THAP6: variants seen among roughly 807,000 people sequenced by gnomAD.
THAP6 encodes THAP domain containing 6, also known as THAP domain-containing protein 6.
THAP6 carries 13 observed loss-of-function variants against 20.0 expected under a neutral mutation model. The observed-to-expected ratio is 0.65, with a 90% CI of 0.42 to 1.03. The LOEUF is 1.03. Among genes scored for constraint, THAP6 ranks in the 50% least tolerant of loss-of-function variants. The probability of loss-of-function intolerance (pLI) is 0.00; values close to 1 mark genes in which losing one functional copy is unlikely to be tolerated. For synonymous variants in THAP6, 93 were observed against 92.2 expected, an observed-to-expected ratio of 1.01 and a Z score of -0.05; for missense variants, 262 against 261.6, an observed-to-expected ratio of 1.00 and a Z score of -0.01.
At chr4:75,547,131 A>G (rs978524402) in intron 3 of THAP6, among the ~76,000 whole-genome samples, 40 of 152,296 alleles carry the variant, frequency 2.6e-4, no homozygotes, top group Non-Finnish European at 1.6e-4. Context: ...GTGCGTCAAC[A>G]TGCAGGTACA....
chr4:75,539,426 A>C (rs1352401191), intron 2 of THAP6, among the ~76,000 whole-genome samples: 1 of 152,250 alleles, frequency 6.6e-6, no homozygotes, highest in Non-Finnish European at 1.5e-5. Context: ...ACCTACAGGG[A>C]CATACAAGTA....
chr4:75,514,402 A>T (rs750296661), upstream of THAP6: 8 of 1,148,588 alleles, frequency 7.0e-6, no homozygotes, highest in Non-Finnish European at 9.7e-6. Flanking sequence ...TAGCGACAAT[A>T]TGGCTCCTAA....
At chr4:75,525,867 C>T (rs1446212503) in intron 4 of THAP6, among the ~76,000 whole-genome samples, 1 of 152,186 alleles carries the variant, frequency 6.6e-6, no homozygotes, top group Non-Finnish European at 1.5e-5. Context: ...CCTGTGAGCA[C>T]AGGGCACTCC....
At chr4:75,534,790 C>A (rs1726803147), downstream of THAP6, among the ~76,000 whole-genome samples, 1 of 152,080 alleles carries the variant, frequency 6.6e-6, no homozygotes, top group South Asian at 2.1e-4. Flanking sequence ...TTTATGCAGC[C>A]AACAGACACA....
At chr4:75,524,071 C>T (rs1726212104) in intron 4 of THAP6, among the ~76,000 whole-genome samples, 1 of 152,122 alleles carries the variant, frequency 6.6e-6, no homozygotes, top group Non-Finnish European at 1.5e-5. Flanking sequence ...AGTGAGTTCG[C>T]TGTAGGTGTG....
chr4:75,515,567 G>T (rs373112261), intron 2 of THAP6, 35 bp downstream of exon 2: 2 of 1,598,872 alleles, frequency 1.3e-6, no homozygotes, highest in Non-Finnish European at 8.6e-7. Flanking sequence ...AAATACTTTG[G>T]CCATGTTATA....
At chr4:75,524,687 C>A (rs1483033936) in intron 4 of THAP6, among the ~76,000 whole-genome samples, 1 of 152,122 alleles carries the variant, frequency 6.6e-6, no homozygotes, top group African/African-American at 2.4e-5. Flanking sequence ...ATGTCATACT[C>A]ACCTTTATTC....
chr4:75,516,109 A>G (rs1262948761), intron 2 of THAP6, among the ~76,000 whole-genome samples: 1 of 152,236 alleles, frequency 6.6e-6, no homozygotes, highest in Non-Finnish European at 1.5e-5. Flanking sequence ...GCACTGTCCT[A>G]TGTGTTAGAG....
intron 2 of THAP6, among the ~76,000 whole-genome samples, chr4:75,536,908 G>A (rs1259724755): frequency 6.6e-6 from 1 of 152,164 alleles, no homozygotes; most frequent in Non-Finnish European, 1.5e-5. Flanking sequence ...CTAATCAAAA[G>A]AAAGTTGGGG....
At chr4:75,521,617 G>C in intron 3 of THAP6, 119 bp from the exon 4 acceptor site, 1 of 1,122,030 alleles carries the variant, frequency 8.9e-7, no homozygotes, top group Non-Finnish European at 1.2e-6. Flanking sequence ...ACTTTTAAAA[G>C]CAATTTCCAT....
intron 4 of THAP6, among the ~76,000 whole-genome samples, chr4:75,523,448 A>G (rs1726160680): frequency 6.6e-6 from 1 of 151,974 alleles, no homozygotes; most frequent in Non-Finnish European, 1.5e-5. Context: ...GAAGCTTTTT[A>G]ACTTGATGTG....
chr4:75,517,987 A>C (rs1328143726), intron 3 of THAP6, among the ~76,000 whole-genome samples: 1 of 152,244 alleles, frequency 6.6e-6, no homozygotes, highest in Non-Finnish European at 1.5e-5. Context: ...AGAAGTAGCC[A>C]AAAGCGTACC....
chr4:75,539,372 C>T (rs564366380), intron 2 of THAP6, among the ~76,000 whole-genome samples: 16 of 152,214 alleles, frequency 1.1e-4, no homozygotes, highest in Admixed American at 5.2e-4. Flanking sequence ...AAGCCCCATA[C>T]GATAGTGTGA....
chr4:75,519,685 TC>T (rs774787236), intron 3 of THAP6, among the ~76,000 whole-genome samples: 1 of 152,126 alleles, frequency 6.6e-6, no homozygotes, highest in Non-Finnish European at 1.5e-5. Context: ...TGCATAGTAT[TC>T]CATGGTGTAT....
chr4:75,515,464 C>T lies in THAP6; in HGVS notation c.12C>T (p.Cys4=). The T allele has an allele frequency of 1.2e-6, 2 of 1,613,866 alleles. No homozygotes were observed. The highest frequency in any genetic ancestry group is 1.7e-6 in the Non-Finnish European group (2 of 1,179,776). The stretch of plus-strand genomic sequence containing the variant: ...TATGAGTTGCTAAAATGGTGAAATG[C>T]TGCTCCGCCATTGGATGTGCTTCTC... MVK[C]CSAIGCASRC... Residue 4 remains cysteine, a synonymous_variant, in exon 2 of 5, where the codon TGC becomes TGT. Coordinates refer to ENST00000311638, the MANE Select transcript of THAP6 (RefSeq NM_144721.6).
chr4:75,536,682 A>T (rs1204143164), intron 2 of THAP6, among the ~76,000 whole-genome samples: 1 of 151,866 alleles, frequency 6.6e-6, no homozygotes, highest in Non-Finnish European at 1.5e-5. Flanking sequence ...TAATTTTTGT[A>T]TTTTTTGTAG....
At chr4:75,520,149 G>A (rs1341938854) in intron 3 of THAP6, among the ~76,000 whole-genome samples, 3 of 152,132 alleles carry the variant, frequency 2.0e-5, no homozygotes, top group Admixed American at 6.5e-5. Context: ...GTCTGTTCAT[G>A]TCCTTTGCCC....
intron 2 of THAP6, among the ~76,000 whole-genome samples, chr4:75,535,294 C>A (rs1726819441): frequency 6.6e-6 from 1 of 152,182 alleles, no homozygotes; most frequent in Admixed American, 6.5e-5. Context: ...GAAGCTATGC[C>A]TTTATACACT....
chr4:75,516,870 T>A lies in THAP6; in HGVS notation c.179T>A (p.Val60Glu). 6.2e-7 allele frequency: 1 copy of A among 1,614,074 alleles called. No homozygotes were observed. The highest frequency in any genetic ancestry group is 1.1e-5 in the South Asian group (1 of 91,078). Residue 60 changes from valine to glutamate, a missense_variant, in exon 3 of 5, where the codon GTG (valine) becomes GAG (glutamate). Transcript: ENST00000311638. The stretch of plus-strand genomic sequence containing the variant: ...ATTTGGGAGCCTAAAAAAGGAGATG[T>A]GTTGTGTTCGAGGCACTTTAAGAAG... ...AGIWEPKKGDVLCSRHFKKTD... is the reference protein window; with the variant it reads ...AGIWEPKKGDELCSRHFKKTD...
Sources: gnomAD v4.1 joint callset for allele counts (sites outside exome capture counted in the v4.1 genomes callset) on GRCh38, gnomAD v4.1.1 for gene constraint, MANE v1.5 for transcripts, NCBI Gene and HGNC (gene_info 2026-07-23, HGNC 2026-07-21) for gene names.